Variants in LARP1B observed in about 807,000 individuals in gnomAD.
LARP1B encodes the protein la-related protein 1B.
A neutral mutation model predicts 114.2 loss-of-function variants in LARP1B; 76 were observed. That is an observed-to-expected ratio of 0.67 (90% CI 0.55 to 0.81). LARP1B has a LOEUF of 0.81. LARP1B is among the 30% of genes least tolerant of loss of function. The pLI is 0.00. For synonymous variants in LARP1B, 345 were observed against 348.0 expected (o/e 0.99, Z 0.10); for missense variants, 1,014 against 1,075.8 (o/e 0.94, Z 0.80).
intron 7 of LARP1B, among the ~76,000 whole-genome samples, chr4:128,097,521 G>A (rs1778515658): frequency 6.6e-6 from 1 of 151,828 alleles, no homozygotes; most frequent in Non-Finnish European, 1.5e-5. Context: ...TGGTCAGGCT[G>A]ATCTTGAACT....
chr4:128,073,588 T>TGTTG (rs1561056879), intron 1 of LARP1B, among the ~76,000 whole-genome samples: 1 of 39,848 alleles, frequency 2.5e-5, no homozygotes, highest in Non-Finnish European at 5.3e-5. Context: ...TTTTTTTTTT[T>TGTTG]TTTTTTTTTT....
chr4:128,220,877 A>G (rs1759964155), intron 7 of LARP1B, among the ~76,000 whole-genome samples: 1 of 152,258 alleles, frequency 6.6e-6, no homozygotes, highest in African/African-American at 2.4e-5. Context: ...ACTAGAACAA[A>G]GTGTTATCAC....
chr4:128,122,303 T>A (rs1207536738), intron 11 of LARP1B, 115 bp downstream of exon 11: 38 of 1,506,550 alleles, frequency 2.5e-5, no homozygotes, highest in Admixed American at 4.6e-5. Flanking sequence ...ATAAATACAT[T>A]GTATTTAACT....
chr4:128,133,617 G>C (rs1270051978), intron 11 of LARP1B, among the ~76,000 whole-genome samples: 2 of 152,192 alleles, frequency 1.3e-5, no homozygotes, highest in Non-Finnish European at 2.9e-5. Context: ...TCAAAACCTT[G>C]TGGTACTGTC....
chr4:128,198,059 A>AT (rs1325221523), intron 15 of LARP1B, among the ~76,000 whole-genome samples: 4 of 151,462 alleles, frequency 2.6e-5, no homozygotes, highest in Non-Finnish European at 5.9e-5. Flanking sequence ...TAATTTTTGT[A>AT]TTTTTTATAG....
intron 12 of LARP1B, among the ~76,000 whole-genome samples, chr4:128,166,802 A>G (rs1278613533): frequency 6.6e-6 from 1 of 151,012 alleles, no homozygotes. Flanking sequence ...GATTCTATAT[A>G]TAAGTGACAT....
chr4:128,118,092 T>TC (rs1258657932), intron 10 of LARP1B, among the ~76,000 whole-genome samples: 7 of 138,770 alleles, frequency 5.0e-5, no homozygotes, highest in African/African-American at 1.6e-4. Flanking sequence ...ATTTTTTTTT[T>TC]TTTTTTTTTT....
chr4:128,085,868 A>G lies in LARP1B; in HGVS notation c.358+3563A>G, dbSNP rs148581639. 3.4e-3 allele frequency among the ~76,000 whole-genome samples: 512 copies of G among 152,284 alleles called. 4 individuals carry two copies. Among genetic ancestry groups the G allele is most frequent in the African/African-American group, 0.012 (485 of 41,560 alleles). Reference sequence around the variant, plus strand: ...AATTGATTGGTCATATAGTAGCTGTATATTTAACATTATAAGAAACTGCTA... The same window carrying G: ...AATTGATTGGTCATATAGTAGCTGTGTATTTAACATTATAAGAAACTGCTA... On this transcript the variant is annotated intron_variant, in intron 5 of 19. Transcript: ENST00000326639.
intron 12 of LARP1B, among the ~76,000 whole-genome samples, chr4:128,175,652 A>T (rs540941928): frequency 6.6e-6 from 1 of 152,136 alleles, no homozygotes; most frequent in African/African-American, 2.4e-5. Context: ...TTGGTGCCCT[A>T]GGACACTCTA....
chr4:128,183,892 A>C (rs867176315), intron 15 of LARP1B, among the ~76,000 whole-genome samples: 1 of 152,226 alleles, frequency 6.6e-6, no homozygotes, highest in African/African-American at 2.4e-5. Flanking sequence ...TGAGAGGCTC[A>C]GACTTCAGTG....
At chr4:128,124,805 G>C (rs1160370050) in intron 11 of LARP1B, among the ~76,000 whole-genome samples, 2 of 152,180 alleles carry the variant, frequency 1.3e-5, no homozygotes, top group African/African-American at 4.8e-5. Context: ...TGATTATATA[G>C]GAGTTGTATA....
chr4:128,213,773 T>C (rs1207632766), downstream of LARP1B, among the ~76,000 whole-genome samples: 2 of 152,216 alleles, frequency 1.3e-5, no homozygotes, highest in Admixed American at 1.3e-4. Flanking sequence ...ACATTTTCTA[T>C]ATAAAAGGAA....
intron 11 of LARP1B, 98 bp from the exon 12 acceptor site, chr4:128,162,094 CCT>C: frequency 9.7e-7 from 1 of 1,027,936 alleles, no homozygotes; most frequent in African/African-American, 1.6e-5. Context: ...GTAATTAATC[CCT>C]GTTTTAGAAG....
chr4:128,157,080 A>G (rs1736116298), intron 11 of LARP1B, among the ~76,000 whole-genome samples: 1 of 152,056 alleles, frequency 6.6e-6, no homozygotes, highest in African/African-American at 2.4e-5. Flanking sequence ...GGAAATAGAA[A>G]CAGACCCCTA....
chr4:128,168,701 A>G (rs1289393869), intron 12 of LARP1B, among the ~76,000 whole-genome samples: 1 of 151,476 alleles, frequency 6.6e-6, no homozygotes, highest in East Asian at 1.9e-4. Flanking sequence ...ATCCTTTTAT[A>G]TATTGTTAGA....
At chr4:128,156,195 C>T (rs1735552943) in intron 11 of LARP1B, 4 of 1,606,434 alleles carry the variant, frequency 2.5e-6, no homozygotes, top group Non-Finnish European at 3.4e-6. Flanking sequence ...CAACCCTCCT[C>T]GCTTTGTGAG....
intron 11 of LARP1B, among the ~76,000 whole-genome samples, chr4:128,154,597 A>G (rs1734525627): frequency 1.3e-5 from 2 of 152,122 alleles, no homozygotes; most frequent in African/African-American, 4.8e-5. Context: ...CACATTGTTT[A>G]CTTGCCAAAT....
intron 7 of LARP1B, among the ~76,000 whole-genome samples, chr4:128,221,541 A>G (rs1380087541): frequency 2.0e-5 from 3 of 152,348 alleles, no homozygotes; most frequent in African/African-American, 7.2e-5. Flanking sequence ...AGAAACCAGA[A>G]TCCGCTGCTA....
chr4:128,091,123 C>T lies in LARP1B; in HGVS notation c.481C>T (p.Arg161Ter), dbSNP rs749514879. Residue 161 changes from arginine to a stop codon, truncating the protein, a stop_gained, in exon 6 of 20, where the codon CGA becomes TGA. Transcript: ENST00000326639. LOFTEE classifies it high-confidence loss of function. ...AAGAGGCCGAGGACGGGGAAGAGGA[C>T]GAGGCAGAGGAAATCCTCGATGTAT... ...RGRGRGRGRG[R>*]GRGNPRLNFD... 8 of 1,613,346 alleles carry T rather than the reference C, an allele frequency of 5.0e-6. No individual in the cohort carries two copies. The South Asian group carries it at 5.5e-5, about 11-fold the overall frequency.
Sources: allele counts gnomAD v4.1 joint callset (sites outside exome capture counted in the v4.1 genomes callset), GRCh38; gene constraint gnomAD v4.1.1; transcripts MANE v1.5; gene names NCBI Gene and HGNC (gene_info 2026-07-23, HGNC 2026-07-21).